SLC9A7: variants seen among roughly 807,000 people sequenced by gnomAD.
SLC9A7 encodes the protein sodium/hydrogen exchanger 7.
SLC9A7 carries 19 observed loss-of-function variants against 52.6 expected under a neutral mutation model. The observed-to-expected ratio is 0.36, with a 90% CI of 0.25 to 0.53. The LOEUF is 0.53. SLC9A7 is among the 20% of genes least tolerant of loss of function. The pLI, the probability that SLC9A7 is intolerant of heterozygous loss-of-function variation, is 0.91. For synonymous variants in SLC9A7, 226 were observed against 252.1 expected (o/e 0.90, Z 0.98); for missense variants, 455 against 597.9 (o/e 0.76, Z 2.49).
intron 1 of SLC9A7, among the ~76,000 whole-genome samples, chrX:46,733,200 A>G (rs780751257): frequency 6.3e-5 from 7 of 111,843 alleles, no homozygotes; most frequent in Non-Finnish European, 9.4e-5. Flanking sequence ...ACTACTCAAC[A>G]TTTTTAAAAT....
intron 1 of SLC9A7, among the ~76,000 whole-genome samples, chrX:46,752,884 C>G (rs1394974676): frequency 8.9e-6 from 1 of 111,746 alleles, no homozygotes; most frequent in African/African-American, 3.2e-5. Flanking sequence ...CATTGAAAAC[C>G]CTTGTCTAAA....
At chrX:46,626,537 A>C (rs762049395) in intron 14 of SLC9A7, among the ~76,000 whole-genome samples, 2 of 112,580 alleles carry the variant, frequency 1.8e-5, no homozygotes, top group Admixed American at 9.3e-5. Flanking sequence ...GGCCTCCCGA[A>C]GTGCTGGGAT....
intron 16 of SLC9A7, among the ~76,000 whole-genome samples, chrX:46,613,078 C>T (rs928228285): frequency 1.8e-5 from 2 of 110,339 alleles, no homozygotes; most frequent in African/African-American, 3.3e-5. Flanking sequence ...CCACAGCGGC[C>T]GATGTGGGGG....
At chrX:46,707,250 T>G (rs752289813) in intron 1 of SLC9A7, among the ~76,000 whole-genome samples, 2 of 112,550 alleles carry the variant, frequency 1.8e-5, no homozygotes, top group South Asian at 3.7e-4. Flanking sequence ...TCTTTGTGTT[T>G]ATAAGGTAAT....
At chrX:46,609,273 CT>C (rs1370864102) in intron 16 of SLC9A7, among the ~76,000 whole-genome samples, 1 of 112,155 alleles carries the variant, frequency 8.9e-6, no homozygotes, top group Admixed American at 9.4e-5. Flanking sequence ...CGCTTTCACT[CT>C]TTGCAGAGGG....
At chrX:46,629,552 G>C (rs771023839) in intron 14 of SLC9A7, among the ~76,000 whole-genome samples, 2 of 111,879 alleles carry the variant, frequency 1.8e-5, no homozygotes, top group Admixed American at 9.4e-5. Flanking sequence ...CTTATTTCCT[G>C]TTACAGATGC....
At chrX:46,739,900 T>C (rs1471872290) in intron 1 of SLC9A7, among the ~76,000 whole-genome samples, 2 of 111,617 alleles carry the variant, frequency 1.8e-5, no homozygotes, top group African/African-American at 6.5e-5. Flanking sequence ...AAATAGACAA[T>C]TGTCTTATTC....
chrX:46,724,952 A>C (rs1035128042), intron 1 of SLC9A7, among the ~76,000 whole-genome samples: 4 of 112,244 alleles, frequency 3.6e-5, no homozygotes, highest in Non-Finnish European at 7.5e-5. Context: ...ATAAGAAAAA[A>C]GGAATCAAAT....
At chrX:46,630,959 G>C (rs1943211273) in intron 14 of SLC9A7, among the ~76,000 whole-genome samples, 1 of 112,365 alleles carries the variant, frequency 8.9e-6, no homozygotes, top group Non-Finnish European at 1.9e-5. Context: ...AGGCCACATG[G>C]AAAAGCCCTG....
chrX:46,655,379 G>A (rs113859626), intron 7 of SLC9A7, among the ~76,000 whole-genome samples: 1,428 of 112,106 alleles, frequency 0.013, 8 homozygotes, highest in Middle Eastern at 0.028. Context: ...CAAGATGGCC[G>A]TATAGGAACA....
In SLC9A7 at chrX:46,599,309, C is replaced by T. The variant is rs1446939660; in HGVS notation, c.*7643G>A. 3 of 111,563 alleles carry T rather than the reference C, an allele frequency of 2.7e-5. No individual in the cohort carries two copies. The highest frequency in any genetic ancestry group is 5.6e-5 in the Non-Finnish European group (3 of 53,170). 9.2% of individuals were successfully genotyped at this position (111,563 alleles called of 1,213,427 possible). A position where few individuals can be genotyped will look rare whatever the true frequency, so the allele number is the denominator to read the frequency against. ...CAGTGGGCTGGACTTGGTTCAGGAG[C>T]CAGCTGTAGTTTGCCAACCCCAGGC... On this transcript the variant is annotated 3_prime_UTR_variant, in exon 17 of 17. Transcript: ENST00000616978.
intron 7 of SLC9A7, among the ~76,000 whole-genome samples, chrX:46,660,612 A>G (rs1024241727): frequency 2.7e-5 from 3 of 111,535 alleles, no homozygotes; most frequent in African/African-American, 9.9e-5. Context: ...CAAAAAACAC[A>G]TGAAAAAATG....
chrX:46,647,060 G>C (rs944475392), intron 11 of SLC9A7: 1 of 324,841 alleles, frequency 3.1e-6, no homozygotes, highest in East Asian at 7.7e-5. Flanking sequence ...CAGACCACCA[G>C]AGTGCCACTC....
rs780863116 is a variant in SLC9A7 at position 46,600,300 on chromosome X, A to G, written c.*6652T>C. On this transcript the variant is annotated 3_prime_UTR_variant, in exon 17 of 17. Coordinates refer to ENST00000616978, the MANE Select transcript of SLC9A7 (RefSeq NM_001257291.2). Reference sequence around the variant, plus strand: ...CCATGCTGTTTACAAGTCCTTTTCTATCTGAGTTCCTCCAACATATACAGG... The same window carrying G: ...CCATGCTGTTTACAAGTCCTTTTCTGTCTGAGTTCCTCCAACATATACAGG... The G allele has an allele frequency of 2.7e-5, 3 of 112,084 alleles. No homozygotes were observed. The highest frequency in any genetic ancestry group is 5.6e-5 in the Non-Finnish European group (3 of 53,256). 9.2% of individuals were successfully genotyped at this position (112,084 alleles called of 1,213,427 possible).
Position 46,636,619 on chromosome X carries a change from A to G in SLC9A7, c.1617-971T>C, listed in dbSNP as rs529950074. Among the ~76,000 whole-genome samples the G allele has an allele frequency of 1.4e-4, 15 of 110,559 alleles. No individual in the cohort carries two copies. The East Asian group carries it at 2.8e-3, about 21-fold the overall frequency. On this transcript the variant is annotated intron_variant, in intron 12 of 16. Transcript: ENST00000616978. ...GAGGCAGTATCACCCTCATGGGTATAAAAATTGGTTCTTGTAGGTTAAAAA... is the reference window on the plus strand; with the variant it reads ...GAGGCAGTATCACCCTCATGGGTATGAAAATTGGTTCTTGTAGGTTAAAAA...
intron 12 of SLC9A7, among the ~76,000 whole-genome samples, chrX:46,642,710 G>A (rs770247219): frequency 3.6e-5 from 4 of 112,130 alleles, no homozygotes; most frequent in Non-Finnish European, 7.5e-5. Context: ...GCCACAGGCA[G>A]AGGACATCCA....
chrX:46,640,611 C>T, intron 12 of SLC9A7, among the ~76,000 whole-genome samples: 1 of 112,053 alleles, frequency 8.9e-6, no homozygotes, highest in Admixed American at 9.5e-5. Flanking sequence ...ACAAGCTACA[C>T]ACTGGGAAAA....
At chrX:46,715,587 CA>C (rs369818290) in intron 1 of SLC9A7, among the ~76,000 whole-genome samples, 5 of 111,866 alleles carry the variant, frequency 4.5e-5, no homozygotes, top group African/African-American at 1.6e-4. Flanking sequence ...TTGAAAATGA[CA>C]AATGTCGCAC....
intron 1 of SLC9A7, among the ~76,000 whole-genome samples, chrX:46,687,020 A>G (rs902078503): frequency 4.5e-5 from 5 of 112,015 alleles, no homozygotes; most frequent in African/African-American, 1.6e-4. Flanking sequence ...TGGTAGTATG[A>G]TGAAGGAATA....
Sources: allele counts gnomAD v4.1 joint callset (sites outside exome capture counted in the v4.1 genomes callset), GRCh38; gene constraint gnomAD v4.1.1; transcripts MANE v1.5; gene names NCBI Gene and HGNC (gene_info 2026-07-23, HGNC 2026-07-21).